Variants in DLC1 observed in about 807,000 individuals in gnomAD.
The protein encoded by DLC1 is rho GTPase-activating protein 7.
DLC1 carries 54 observed loss-of-function variants against 140.3 expected under a neutral mutation model. The observed-to-expected ratio is 0.38, with a 90% CI of 0.31 to 0.48. The LOEUF (loss-of-function observed/expected upper bound fraction) is 0.48. Among genes scored for constraint, DLC1 ranks in the 20% least tolerant of loss-of-function variants. The pLI, the probability that DLC1 is intolerant of heterozygous loss-of-function variation, is 0.96. For missense variants in DLC1, 2,536 were observed against 1,907.0 expected, an observed-to-expected ratio of 1.33 and a Z score of -6.14; for synonymous variants, 986 against 728.1, an observed-to-expected ratio of 1.35 and a Z score of -5.70.
intron 5 of DLC1, among the ~76,000 whole-genome samples, chr8:13,175,672 A>G (rs996584558): frequency 1.1e-4 from 17 of 152,212 alleles, no homozygotes; most frequent in African/African-American, 3.6e-4. Context: ...GCATAATACA[A>G]TTAACTAATA....
At chr8:13,571,899 T>C (rs192982262) in intron 1 of DLC1, among the ~76,000 whole-genome samples, 1 of 152,154 alleles carries the variant, frequency 6.6e-6, no homozygotes, top group African/African-American at 2.4e-5. Context: ...TTATAGCCAT[T>C]TTGGTAGTTG....
intron 1 of DLC1, among the ~76,000 whole-genome samples, chr8:13,590,680 C>G (rs769660445): frequency 6.6e-6 from 1 of 151,902 alleles, no homozygotes; most frequent in East Asian, 1.9e-4. Context: ...TTTGCATTGT[C>G]CAAAAATTTG....
chr8:13,525,164 C>A (rs771091801), intron 1 of DLC1, among the ~76,000 whole-genome samples: 5 of 152,174 alleles, frequency 3.3e-5, no homozygotes, highest in Non-Finnish European at 5.9e-5. Context: ...TTGCATGTAT[C>A]TGTCCTTTTT....
intron 5 of DLC1, among the ~76,000 whole-genome samples, chr8:13,123,634 G>A (rs1282028896): frequency 6.6e-6 from 1 of 151,982 alleles, no homozygotes; most frequent in African/African-American, 2.4e-5. Flanking sequence ...GACTGGCGTG[G>A]GCCGTGGCAC....
intron 2 of DLC1, among the ~76,000 whole-genome samples, chr8:13,412,157 G>A (rs1359135063): frequency 1.3e-5 from 2 of 152,112 alleles, no homozygotes; most frequent in Non-Finnish European, 2.9e-5. Context: ...AGCATATAAA[G>A]AGTCTATTAA....
chr8:13,086,812 T>A (rs1817604420), intron 16 of DLC1, among the ~76,000 whole-genome samples: 1 of 151,978 alleles, frequency 6.6e-6, no homozygotes, highest in Non-Finnish European at 1.5e-5. Context: ...CTGCTTGAGC[T>A]CAGGAGTTCA....
intron 5 of DLC1, among the ~76,000 whole-genome samples, chr8:13,212,397 G>T (rs1827991642): frequency 6.6e-6 from 1 of 152,096 alleles, no homozygotes; most frequent in Non-Finnish European, 1.5e-5. Context: ...GCTCTGCTAG[G>T]TTTCATGAGG....
intron 5 of DLC1, among the ~76,000 whole-genome samples, chr8:13,154,004 T>G (rs1042858746): frequency 2.0e-5 from 3 of 151,996 alleles, no homozygotes; most frequent in Non-Finnish European, 1.5e-5. Context: ...ATCCTTTAGC[T>G]AGACACAAAG....
At chr8:13,603,024 T>C (rs1805939186) in intron 1 of DLC1, among the ~76,000 whole-genome samples, 1 of 151,906 alleles carries the variant, frequency 6.6e-6, no homozygotes, top group Admixed American at 6.6e-5. Flanking sequence ...TACGTGGCAA[T>C]AACTTAGATA....
chr8:13,272,343 G>A (rs1467387700), intron 5 of DLC1, among the ~76,000 whole-genome samples: 2 of 152,076 alleles, frequency 1.3e-5, no homozygotes, highest in East Asian at 3.9e-4. Context: ...AGCTACTCGA[G>A]AGGCTGGGAA....
intron 4 of DLC1, among the ~76,000 whole-genome samples, chr8:13,319,480 G>T (rs199775063): frequency 1.9e-4 from 20 of 104,976 alleles, no homozygotes; most frequent in South Asian, 7.6e-4. Flanking sequence ...GGGGCGGGGG[G>T]GGGGGGTGGA....
At chr8:13,292,090 C>T (rs1298199085) in intron 5 of DLC1, among the ~76,000 whole-genome samples, 1 of 150,830 alleles carries the variant, frequency 6.6e-6, no homozygotes, top group Non-Finnish European at 1.5e-5. Flanking sequence ...TATTTGTGAT[C>T]TGCAGTTTTT....
chr8:13,519,209 G>C (rs1486783396), upstream of DLC1, among the ~76,000 whole-genome samples: 17 of 146,846 alleles, frequency 1.2e-4, no homozygotes, highest in African/African-American at 4.0e-4. Context: ...CTCACTGCAA[G>C]CTCCGCCTCC....
chr8:13,102,760 C>T, intron 8 of DLC1, 30 bp downstream of exon 8: 1 of 1,596,838 alleles, frequency 6.3e-7, no homozygotes, highest in African/African-American at 1.3e-5. Context: ...CCTTTTCCCC[C>T]TCATTCTATT....
chr8:13,189,004 T>G (rs1826586306), intron 5 of DLC1, among the ~76,000 whole-genome samples: 1 of 151,462 alleles, frequency 6.6e-6, no homozygotes, highest in Non-Finnish European at 1.5e-5. Flanking sequence ...TAAATATTTT[T>G]AAACAAATAA....
At chr8:13,521,519 C>G (rs1470239108) in intron 1 of DLC1, among the ~76,000 whole-genome samples, 1 of 152,166 alleles carries the variant, frequency 6.6e-6, no homozygotes, top group Non-Finnish European at 1.5e-5. Flanking sequence ...CCTCTGCTCC[C>G]CTGGGATAGA....
chr8:13,495,407 G>A (rs944225211), intron 2 of DLC1, among the ~76,000 whole-genome samples: 2 of 152,112 alleles, frequency 1.3e-5, no homozygotes, highest in African/African-American at 2.4e-5. Context: ...TTAACCAGCC[G>A]CCTCACCCCA....
chr8:13,260,581 A>G (rs1162205655), intron 5 of DLC1, among the ~76,000 whole-genome samples: 2 of 152,212 alleles, frequency 1.3e-5, no homozygotes, highest in Middle Eastern at 3.2e-3. Context: ...ACAGTTGGAA[A>G]TATAGAAATA....
At chr8:13,236,653 T>C (rs1302452075) in intron 5 of DLC1, among the ~76,000 whole-genome samples, 1 of 152,146 alleles carries the variant, frequency 6.6e-6, no homozygotes, top group African/African-American at 2.4e-5. Context: ...GACAGGTAAA[T>C]CTTACTGTAC....
Sources: gnomAD v4.1 joint callset for allele counts (sites outside exome capture counted in the v4.1 genomes callset) on GRCh38, gnomAD v4.1.1 for gene constraint, MANE v1.5 for transcripts, NCBI Gene and HGNC (gene_info 2026-07-23, HGNC 2026-07-21) for gene names.